The following SLC9A9 variants were observed in gnomAD, a reference collection of about 807,000 sequenced individuals.
The protein encoded by SLC9A9 is sodium/hydrogen exchanger 9.
Under a neutral mutation model 77.8 loss-of-function variants are expected in SLC9A9, and 62 were observed. The ratio of observed to expected loss-of-function variants is 0.80; its 90% CI spans 0.65 to 0.98. The LOEUF (loss-of-function observed/expected upper bound fraction) is 0.98, where lower values mean the gene tolerates loss of function less well. SLC9A9 is among the 50% of genes least tolerant of loss of function. The probability of loss-of-function intolerance (pLI) is 0.00; values close to 1 mark genes in which losing one functional copy is unlikely to be tolerated. For synonymous variants in SLC9A9, 320 were observed against 283.5 expected (o/e 1.13, Z -1.29); for missense variants, 775 against 774.9 (o/e 1.00, Z 0.00).
At chr3:143,610,117 T>C (rs2037998183) in intron 6 of SLC9A9, among the ~76,000 whole-genome samples, 1 of 152,138 alleles carries the variant, frequency 6.6e-6, no homozygotes. Flanking sequence ...TCCTTAGCAT[T>C]ACTTAGAACT....
chr3:143,628,361 C>T (rs1010810641), intron 6 of SLC9A9, among the ~76,000 whole-genome samples: 1 of 152,166 alleles, frequency 6.6e-6, no homozygotes, highest in African/African-American at 2.4e-5. Flanking sequence ...GCTCAGGTCA[C>T]TTACATTCTC....
intron 6 of SLC9A9, among the ~76,000 whole-genome samples, chr3:143,641,320 T>G (rs2038617191): frequency 6.6e-6 from 1 of 151,194 alleles, no homozygotes; most frequent in Non-Finnish European, 1.5e-5. Flanking sequence ...TACAGTGTCA[T>G]AGCAGATATA....
intron 11 of SLC9A9, among the ~76,000 whole-genome samples, chr3:143,480,629 C>T (rs185335698): frequency 6.6e-6 from 1 of 152,146 alleles, no homozygotes; most frequent in Non-Finnish European, 1.5e-5. Flanking sequence ...AATGCCTGCT[C>T]CAAGCTGCGT....
chr3:143,804,313 T>C (rs974227137), intron 2 of SLC9A9, among the ~76,000 whole-genome samples: 100 of 152,158 alleles, frequency 6.6e-4, no homozygotes, highest in African/African-American at 2.4e-3. Context: ...CTCATCAGAC[T>C]CTCCTCCCAG....
intron 2 of SLC9A9, among the ~76,000 whole-genome samples, chr3:143,815,748 C>T (rs2008995875): frequency 6.6e-6 from 1 of 152,026 alleles, no homozygotes; most frequent in African/African-American, 2.4e-5. Flanking sequence ...CATCTGTAGT[C>T]CCAGCTATTC....
At chr3:143,720,251 A>T (rs11710436) in intron 4 of SLC9A9, among the ~76,000 whole-genome samples, 98,246 of 149,378 alleles carry the variant, frequency 0.66, 34,927 homozygotes, top group East Asian at 1. Context: ...ATATATATAT[A>T]TTTTTTTTCA....
intron 13 of SLC9A9, among the ~76,000 whole-genome samples, 172 bp from the exon 14 acceptor site, chr3:143,363,735 T>G (rs2032820774): frequency 1.3e-5 from 2 of 152,216 alleles, no homozygotes; most frequent in Admixed American, 1.3e-4. Flanking sequence ...TCATAAATCT[T>G]GCTATGTGGA....
At chr3:143,823,214 GTCT>G (rs1474326010) in intron 2 of SLC9A9, among the ~76,000 whole-genome samples, 4 of 152,224 alleles carry the variant, frequency 2.6e-5, no homozygotes, top group Non-Finnish European at 5.9e-5. Context: ...GGAGCCCACA[GTCT>G]AGTGAGACTG....
rs967598530 is a variant in SLC9A9, at chr3:143,651,980, T to G, written c.755+275A>C. Among the ~76,000 whole-genome samples, 2 of 71,580 alleles carry G rather than the reference T, an allele frequency of 2.8e-5. 1 individual carries two copies. Among genetic ancestry groups the G allele is most frequent in the Non-Finnish European group, 5.7e-5 (2 of 34,794 alleles). The allele number at this position is 71,580 out of a possible 152,430, so 47.0% of individuals were successfully genotyped here. A position where few individuals can be genotyped will look rare whatever the true frequency, so the allele number is the denominator to read the frequency against. Reference sequence around the variant, plus strand: ...AATGAAAAAAGCTCATTTATGTGCATTTTAGGAACCTAAGTGAATCAGCTA... The same window carrying G: ...AATGAAAAAAGCTCATTTATGTGCAGTTTAGGAACCTAAGTGAATCAGCTA... On this transcript the variant is annotated intron_variant, in intron 6 of 15. Coordinates refer to ENST00000316549, the MANE Select transcript of SLC9A9 (RefSeq NM_173653.4).
intron 11 of SLC9A9, among the ~76,000 whole-genome samples, chr3:143,490,611 G>A (rs988560535): frequency 1.3e-5 from 2 of 152,044 alleles, no homozygotes; most frequent in Non-Finnish European, 2.9e-5. Context: ...TGCACATTTC[G>A]AATGTATTTA....
chr3:143,630,575 A>C (rs1364098145), intron 6 of SLC9A9, among the ~76,000 whole-genome samples: 1 of 152,168 alleles, frequency 6.6e-6, no homozygotes, highest in Non-Finnish European at 1.5e-5. Flanking sequence ...CAATTTTGTT[A>C]ATGATAATGC....
intron 14 of SLC9A9, among the ~76,000 whole-genome samples, chr3:143,276,828 A>G (rs1938064449): frequency 6.7e-6 from 1 of 148,508 alleles, no homozygotes; most frequent in Non-Finnish European, 1.5e-5. Context: ...TTTGCATACA[A>G]TTTCACATGA....
At chr3:143,614,126 C>T (rs965443522) in intron 6 of SLC9A9, among the ~76,000 whole-genome samples, 2 of 152,134 alleles carry the variant, frequency 1.3e-5, no homozygotes, top group African/African-American at 4.8e-5. Flanking sequence ...GAAACTTAGT[C>T]CTTCCTTAGT....
intron 4 of SLC9A9, among the ~76,000 whole-genome samples, chr3:143,723,284 C>T (rs1008652448): frequency 1.3e-5 from 2 of 152,066 alleles, no homozygotes; most frequent in African/African-American, 2.4e-5. Flanking sequence ...CAAAGGCCCA[C>T]GTTTCTGAAA....
chr3:143,678,495 A>ATATTC (rs1371158948), intron 5 of SLC9A9, among the ~76,000 whole-genome samples: 2 of 152,196 alleles, frequency 1.3e-5, no homozygotes, highest in Admixed American at 1.3e-4. Context: ...TCAATTTTAT[A>ATATTC]ATCTAAATGG....
At chr3:143,357,701 C>T (rs2032631116) in intron 14 of SLC9A9, among the ~76,000 whole-genome samples, 1 of 152,176 alleles carries the variant, frequency 6.6e-6, no homozygotes, top group South Asian at 2.1e-4. Context: ...CCAAGTCCAT[C>T]AGTAACCTTG....
At chr3:143,776,571 C>T (rs1560074282) in intron 4 of SLC9A9, among the ~76,000 whole-genome samples, 1 of 151,950 alleles carries the variant, frequency 6.6e-6, no homozygotes, top group African/African-American at 2.4e-5. Context: ...GGCAATATGC[C>T]ATTCAAAATA....
intron 4 of SLC9A9, among the ~76,000 whole-genome samples, chr3:143,772,022 A>ATATGTGTGTG (rs1553791132): frequency 7.1e-6 from 1 of 141,622 alleles, no homozygotes; most frequent in Non-Finnish European, 1.5e-5. Flanking sequence ...CATCCCCAGA[A>ATATGTGTGTG]TGTGTGTGTG....
chr3:143,698,653 G>A lies in SLC9A9; in HGVS notation c.534-5346C>T, dbSNP rs1933706827. ...ATTGTTTGGATGATTTAAAAATATA[G>A]TAACTTAATCTCAGTATTCTTTAAA... On this transcript the variant is annotated intron_variant, in intron 4 of 15. Coordinates refer to ENST00000316549, the MANE Select transcript of SLC9A9 (RefSeq NM_173653.4). Among the ~76,000 whole-genome samples the A allele has an allele frequency of 2.6e-5, 4 of 152,140 alleles. No individual in the cohort carries two copies. In the South Asian group the frequency reaches 8.3e-4, roughly 32 times the overall value.
Sources: gnomAD v4.1 joint callset for allele counts (sites outside exome capture counted in the v4.1 genomes callset) on GRCh38, gnomAD v4.1.1 for gene constraint, MANE v1.5 for transcripts, NCBI Gene and HGNC (gene_info 2026-07-23, HGNC 2026-07-21) for gene names.